The following ELP4 variants were observed in gnomAD, a reference collection of about 807,000 sequenced individuals.
ELP4 encodes elongator complex protein 4.
In ELP4, 51 loss-of-function variants were observed where a neutral mutation model predicts 48.9. That is an observed-to-expected ratio of 1.04 (90% CI 0.83 to 1.32). The LOEUF is 1.32. Ranked by LOEUF, ELP4 falls within the 40% of genes most tolerant of loss-of-function variation. The pLI is 0.00. For missense variants in ELP4, 519 were observed against 514.6 expected, an observed-to-expected ratio of 1.01 and a Z score of -0.08; for synonymous variants, 210 against 189.2, an observed-to-expected ratio of 1.11 and a Z score of -0.90.
intron 5 of ELP4, among the ~76,000 whole-genome samples, chr11:31,620,458 T>A (rs147676757): frequency 2.0e-3 from 303 of 151,900 alleles, no homozygotes; most frequent in African/African-American, 6.9e-3. Flanking sequence ...TGTAGAGGGG[T>A]GTGCATGAAA....
chr11:31,594,988 A>G (rs1957647844), intron 4 of ELP4, 87 bp downstream of exon 4: 4 of 1,063,136 alleles, frequency 3.8e-6, no homozygotes, highest in Non-Finnish European at 5.3e-6. Flanking sequence ...CTATATGTGT[A>G]TTTGTTTATT....
At chr11:31,541,528 T>C (rs1160887518) in intron 3 of ELP4, 1 of 152,238 alleles carries the variant, frequency 6.6e-6, no homozygotes, top group African/African-American at 2.4e-5. Context: ...ATACCGAGAC[T>C]AAGATTTTAT....
At chr11:31,659,485 A>C (rs1945508293) in intron 9 of ELP4, among the ~76,000 whole-genome samples, 3 of 152,148 alleles carry the variant, frequency 2.0e-5, no homozygotes, top group Admixed American at 2.0e-4. Flanking sequence ...ACTCATTCAA[A>C]AATTTCTGAG....
chr11:31,622,222 T>C (rs1944637853), intron 5 of ELP4, among the ~76,000 whole-genome samples: 1 of 151,788 alleles, frequency 6.6e-6, no homozygotes, highest in Non-Finnish European at 1.5e-5. Context: ...ATGTGCATGA[T>C]CTTATTTTTG....
At chr11:31,685,596 A>G (rs1180295343) in intron 9 of ELP4, among the ~76,000 whole-genome samples, 1 of 152,194 alleles carries the variant, frequency 6.6e-6, no homozygotes, top group Non-Finnish European at 1.5e-5. Context: ...AAGACATATG[A>G]AATGCAGAGA....
intron 9 of ELP4, among the ~76,000 whole-genome samples, chr11:31,770,302 A>C (rs1328741539): frequency 6.6e-6 from 1 of 152,136 alleles, no homozygotes; most frequent in Non-Finnish European, 1.5e-5. Flanking sequence ...AGTTGGGGAG[A>C]TATCAAGTAA....
Position 31,520,061 on chromosome 11 carries a change from G to T in ELP4, c.229G>T (p.Gly77Cys). The change falls in exon 2 of 10, where the codon GGT becomes TGT. Residue 77 changes from glycine to cysteine, a missense_variant. By Grantham distance (159) the Gly-to-Cys change is radical. Transcript: ENST00000640961. ...LPALDQLLGG[G>C]LAVGTVLLIE... is the part of the protein sequence containing the mutation. ...TGGTTTTGTTTCATTTCCAGGTGGA[G>T]GTTTAGCCGTTGGAACAGTTCTTCT... 6.2e-7 allele frequency: 1 copy of T among 1,612,728 alleles called. No individual in the cohort carries two copies. The highest frequency in any genetic ancestry group is 8.5e-7 in the Non-Finnish European group (1 of 1,179,524).
intron 4 of ELP4, chr11:31,599,799 T>C (rs1247913326): frequency 6.6e-6 from 1 of 152,058 alleles, no homozygotes; most frequent in East Asian, 1.9e-4. Flanking sequence ...ATCCAATCAC[T>C]TCTCACCAGG....
intron 3 of ELP4, among the ~76,000 whole-genome samples, chr11:31,549,821 G>C (rs945036657): frequency 7.9e-5 from 12 of 152,174 alleles, no homozygotes; most frequent in Non-Finnish European, 1.5e-4. Flanking sequence ...AAAATGATGA[G>C]TTCATGTCCT....
intron 9 of ELP4, among the ~76,000 whole-genome samples, chr11:31,712,356 T>G (rs1946759295): frequency 1.3e-5 from 2 of 152,124 alleles, no homozygotes; most frequent in Non-Finnish European, 2.9e-5. Context: ...AACTTAAATA[T>G]TCTTAATAAG....
intron 9 of ELP4, among the ~76,000 whole-genome samples, chr11:31,669,862 C>T (rs1328340997): frequency 6.6e-6 from 1 of 152,106 alleles, no homozygotes; most frequent in Non-Finnish European, 1.5e-5. Context: ...TTAGATTTTC[C>T]CTAATTACCA....
At chr11:31,621,256 G>A (rs2134027419) in intron 5 of ELP4, among the ~76,000 whole-genome samples, 1 of 151,944 alleles carries the variant, frequency 6.6e-6, no homozygotes, top group South Asian at 2.1e-4. Context: ...GCATAATAAT[G>A]TCAAAAATGC....
chr11:31,672,112 A>G (rs1036661894), intron 9 of ELP4, among the ~76,000 whole-genome samples: 2 of 152,138 alleles, frequency 1.3e-5, no homozygotes, highest in East Asian at 1.9e-4. Context: ...CCTGATATCT[A>G]TTAGGGGTAG....
chr11:31,554,252 T>A (rs1956896256), intron 3 of ELP4, among the ~76,000 whole-genome samples: 1 of 152,020 alleles, frequency 6.6e-6, no homozygotes, highest in Non-Finnish European at 1.5e-5. Flanking sequence ...ACCATCCGAG[T>A]CTGTGGAAAA....
At chr11:31,760,444 G>T (rs1406418544) in intron 9 of ELP4, among the ~76,000 whole-genome samples, 1 of 152,118 alleles carries the variant, frequency 6.6e-6, no homozygotes, top group Non-Finnish European at 1.5e-5. Flanking sequence ...TTGCCATCCT[G>T]ATTTTATCTT....
intron 9 of ELP4, among the ~76,000 whole-genome samples, chr11:31,719,182 C>T (rs975752651): frequency 2.0e-5 from 3 of 150,938 alleles, no homozygotes; most frequent in Non-Finnish European, 4.4e-5. Context: ...CTCTTGAGCC[C>T]GAGAGGTTGA....
At chr11:31,687,490 A>G (rs1946185329) in intron 9 of ELP4, among the ~76,000 whole-genome samples, 2 of 152,220 alleles carry the variant, frequency 1.3e-5, no homozygotes, top group Admixed American at 1.3e-4. Flanking sequence ...ATTTGGCAAT[A>G]TGAGGCTCAT....
At chr11:31,576,177 A>T (rs1461874080) in intron 3 of ELP4, among the ~76,000 whole-genome samples, 1 of 152,240 alleles carries the variant, frequency 6.6e-6, no homozygotes, top group Non-Finnish European at 1.5e-5. Flanking sequence ...ATCAACAAAG[A>T]TCAGAAGAGA....
chr11:31,695,267 C>T (rs1946374622), intron 9 of ELP4, among the ~76,000 whole-genome samples: 1 of 152,062 alleles, frequency 6.6e-6, no homozygotes, highest in Non-Finnish European at 1.5e-5. Context: ...AGTTTTTGCC[C>T]ATTCAGTATG....
Sources: gnomAD v4.1 joint callset for allele counts (sites outside exome capture counted in the v4.1 genomes callset) on GRCh38, gnomAD v4.1.1 for gene constraint, MANE v1.5 for transcripts, NCBI Gene and HGNC (gene_info 2026-07-23, HGNC 2026-07-21) for gene names.